Variants in RAB5A observed in about 807,000 individuals in gnomAD.
The protein encoded by RAB5A is ras-related protein Rab-5A.
A neutral mutation model predicts 25.7 loss-of-function variants in RAB5A; 8 were observed. The ratio of observed to expected loss-of-function variants is 0.31; its 90% confidence interval spans 0.18 to 0.56. The LOEUF (loss-of-function observed/expected upper bound fraction) is 0.56. Among genes scored for constraint, RAB5A ranks in the 20% least tolerant of loss-of-function variants. The pLI is 0.91. For missense variants in RAB5A, 192 were observed against 259.7 expected (o/e 0.74, Z 1.79); for synonymous variants, 98 against 89.8 (o/e 1.09, Z -0.52).
intron 3 of RAB5A, 121 bp downstream of exon 3, chr3:19,975,873 T>C: frequency 7.5e-7 from 1 of 1,336,090 alleles, no homozygotes; most frequent in African/African-American, 1.5e-5. Flanking sequence ...GCTGAAGCTT[T>C]TGTGAATTAG....
chr3:19,963,878 A>G (rs968887824), intron 2 of RAB5A, among the ~76,000 whole-genome samples: 4 of 152,142 alleles, frequency 2.6e-5, no homozygotes, highest in East Asian at 1.9e-4. Flanking sequence ...GCCTCAAGCA[A>G]TCTTCCTGAG....
intron 2 of RAB5A, among the ~76,000 whole-genome samples, chr3:19,962,426 G>T (rs1017117239): frequency 2.7e-5 from 4 of 148,666 alleles, no homozygotes; most frequent in Non-Finnish European, 5.9e-5. Flanking sequence ...AAATTAACCG[G>T]GCATGGTGGC....
rs1417455360 is a variant in RAB5A at position 19,967,173 on chromosome 3, T to G, written c.164-8428T>G. Among the ~76,000 whole-genome samples the G allele has an allele frequency of 1.3e-4, 19 of 151,686 alleles. 1 individual carries two copies. The highest frequency in any genetic ancestry group is 1.3e-3 in the Admixed American group (19 of 15,194). ...TTTTTTTTTTTTTTTGAGATGGAGT[T>G]TCAGTCTGCCGCCCAGGCTGGAGTG... On this transcript the variant is annotated intron_variant, in intron 2 of 5. Coordinates refer to ENST00000273047, the MANE Select transcript of RAB5A (RefSeq NM_004162.5).
At chr3:19,957,898 G>A (rs776467131) in intron 2 of RAB5A, among the ~76,000 whole-genome samples, 2 of 152,052 alleles carry the variant, frequency 1.3e-5, no homozygotes, top group African/African-American at 2.4e-5. Flanking sequence ...AAAGCTGGGG[G>A]GAATAAAGTT....
chr3:19,962,605 A>G (rs1696603087), intron 2 of RAB5A, among the ~76,000 whole-genome samples: 1 of 152,088 alleles, frequency 6.6e-6, no homozygotes, highest in Admixed American at 6.6e-5. Context: ...AGACCTATCT[A>G]TATCAAAAGA....
At chr3:19,965,848 A>C (rs533524321) in intron 2 of RAB5A, among the ~76,000 whole-genome samples, 2 of 149,434 alleles carry the variant, frequency 1.3e-5, no homozygotes, top group South Asian at 2.1e-4. Context: ...TCTCCCACCA[A>C]CCCCCCGCCC....
Position 19,954,786 on chromosome 3 carries a change from C to G in RAB5A, c.163+3725C>G, listed in dbSNP as rs1443785275. 2.0e-5 allele frequency among the ~76,000 whole-genome samples: 3 copies of G among 152,142 alleles called. No individual in the cohort carries two copies. In the East Asian group the frequency reaches 5.8e-4, roughly 29 times the overall value. ...TGAGCCGAGACTGCACCACCACACT[C>G]CAGCCTGGGTGACAGTGAGAACCCT... On this transcript the variant is annotated intron_variant, in intron 2 of 5. Coordinates refer to ENST00000273047, the MANE Select transcript of RAB5A (RefSeq NM_004162.5).
chr3:19,976,300 T>C (rs1287794597), intron 4 of RAB5A, 131 bp downstream of exon 4: 6 of 1,012,844 alleles, frequency 5.9e-6, no homozygotes, highest in South Asian at 1.8e-5. Context: ...AAAACAAATA[T>C]AAAGTACTAC....
intron 2 of RAB5A, among the ~76,000 whole-genome samples, chr3:19,967,563 T>C (rs1205204327): frequency 3.9e-5 from 6 of 152,246 alleles, no homozygotes; most frequent in Non-Finnish European, 5.9e-5. Context: ...GAGTGAATTG[T>C]AGATAAACTA....
At chr3:19,957,620 G>A (rs182721645) in intron 2 of RAB5A, among the ~76,000 whole-genome samples, 219 of 151,634 alleles carry the variant, frequency 1.4e-3, no homozygotes, top group African/African-American at 5.1e-3. Context: ...CCCAGATAGC[G>A]CCACTGCATT....
At chr3:19,953,892 T>A (rs1339118326) in intron 2 of RAB5A, among the ~76,000 whole-genome samples, 6 of 152,218 alleles carry the variant, frequency 3.9e-5, no homozygotes, top group Admixed American at 2.0e-4. Flanking sequence ...TTTTAAGGTT[T>A]GAGCTATTTC....
At chr3:19,965,863 G>A (rs62241292) in intron 2 of RAB5A, among the ~76,000 whole-genome samples, 23,144 of 151,842 alleles carry the variant, frequency 0.15, 1,983 homozygotes, top group Non-Finnish European at 0.2. Flanking sequence ...CCGCCCAGTA[G>A]CTGGGACTAC....
chr3:19,958,962 T>C (rs530016993), intron 2 of RAB5A, among the ~76,000 whole-genome samples: 1 of 152,258 alleles, frequency 6.6e-6, no homozygotes, highest in Non-Finnish European at 1.5e-5. Context: ...AGGATTCTTG[T>C]AGAGCAGATG....
chr3:19,980,308 C>T (rs1295912578), intron 5 of RAB5A: 1 of 152,158 alleles, frequency 6.6e-6, no homozygotes, highest in Non-Finnish European at 1.5e-5. Flanking sequence ...CTAATAAAGT[C>T]ATTTTTCGAG....
intron 2 of RAB5A, among the ~76,000 whole-genome samples, chr3:19,969,892 C>A (rs1696719971): frequency 6.6e-6 from 1 of 152,188 alleles, no homozygotes; most frequent in Admixed American, 6.5e-5. Flanking sequence ...CAACCTCTGC[C>A]TCCCGGGTTC....
rs376107542 is a variant in RAB5A at position 19,959,086 on chromosome 3, T to C, written c.163+8025T>C. Among the ~76,000 whole-genome samples, 308 of 152,362 alleles carry C rather than the reference T, an allele frequency of 2.0e-3. 1 individual carries two copies. The highest frequency in any genetic ancestry group is 7.0e-3 in the African/African-American group (290 of 41,588). On this transcript the variant is annotated intron_variant, in intron 2 of 5. Transcript: ENST00000273047. ...ATCATTATGAGCATCAGTTTTTGCC[T>C]TGCCGTGCTTAATGTGTTGATGTCC...
chr3:19,968,850 G>A (rs1482641259), intron 2 of RAB5A, among the ~76,000 whole-genome samples: 3 of 152,120 alleles, frequency 2.0e-5, no homozygotes, highest in African/African-American at 7.2e-5. Context: ...GAGCATAAAA[G>A]TTTGTTCTAC....
chr3:19,953,872 C>A (rs921383896), intron 2 of RAB5A, among the ~76,000 whole-genome samples: 1 of 152,172 alleles, frequency 6.6e-6, no homozygotes, highest in African/African-American at 2.4e-5. Context: ...AGATGTAAAG[C>A]ATTTAAGAAT....
intron 4 of RAB5A, among the ~76,000 whole-genome samples, chr3:19,977,634 G>T (rs945823289): frequency 4.6e-5 from 7 of 152,158 alleles, no homozygotes; most frequent in African/African-American, 1.7e-4. Context: ...CACAAGAGTG[G>T]CAGAGAAAAC....
Sources: allele counts gnomAD v4.1 joint callset (sites outside exome capture counted in the v4.1 genomes callset), GRCh38; gene constraint gnomAD v4.1.1; transcripts MANE v1.5; gene names NCBI Gene and HGNC (gene_info 2026-07-23, HGNC 2026-07-21).